Variants in TCF12 observed in about 807,000 individuals in gnomAD.
TCF12 encodes transcription factor 12.
A neutral mutation model predicts 86.0 loss-of-function variants in TCF12; 45 were observed. That is an observed-to-expected ratio of 0.52 (90% confidence interval 0.41 to 0.67). The LOEUF is 0.67. Among genes scored for constraint, TCF12 ranks in the 30% least tolerant of loss-of-function variants. TCF12 has a pLI of 0.00. For missense variants in TCF12, 881 were observed against 859.9 expected, an observed-to-expected ratio of 1.02 and a Z score of -0.31; for synonymous variants, 330 against 299.6, an observed-to-expected ratio of 1.10 and a Z score of -1.05.
chr15:57,071,284 C>T (rs2069358598), intron 4 of TCF12, among the ~76,000 whole-genome samples: 1 of 151,068 alleles, frequency 6.6e-6, no homozygotes, highest in African/African-American at 2.4e-5. Context: ...TGGTGGTGCG[C>T]ACCTGTGGTC....
intron 8 of TCF12, among the ~76,000 whole-genome samples, chr15:57,200,407 A>G (rs1349279524): frequency 6.6e-6 from 1 of 152,172 alleles, no homozygotes; most frequent in South Asian, 2.1e-4. Context: ...TATGCAAACT[A>G]TAAACTTTTG....
intron 13 of TCF12, among the ~76,000 whole-genome samples, chr15:57,248,697 A>G (rs144869385): frequency 1.4e-4 from 21 of 152,368 alleles, no homozygotes; most frequent in African/African-American, 5.0e-4. Flanking sequence ...AGTGCGTTAC[A>G]CTGGAACGGG....
rs768236745 is a variant in TCF12 at position 57,166,489 on chromosome 15, G to A, written c.390+23G>A. On this transcript the variant is annotated intron_variant, in intron 6 of 20. Transcript: ENST00000333725. ...CAAGTAAGTTTAATGATTAAAAAAA[G>A]CAATGAGATGGTTTTTAAACACATA... 1.3e-5 allele frequency: 20 copies of A among 1,598,610 alleles called. No homozygotes were observed. In the African/African-American group the frequency reaches 1.5e-4, roughly 12 times the overall value.
chr15:56,937,309 A>G (rs116930072), intron 3 of TCF12, among the ~76,000 whole-genome samples: 3,468 of 151,016 alleles, frequency 0.023, 59 homozygotes, highest in Non-Finnish European at 0.036. Context: ...ACTGATTTGT[A>G]TACGTTAATT....
intron 3 of TCF12, among the ~76,000 whole-genome samples, chr15:56,938,633 G>A (rs1307757915): frequency 7.0e-6 from 1 of 143,756 alleles, no homozygotes; most frequent in Non-Finnish European, 1.5e-5. Context: ...AATCTGTCTG[G>A]TCCGAGACTT....
At chr15:57,283,194 A>G (rs2061774835) in intron 20 of TCF12, among the ~76,000 whole-genome samples, 1 of 151,926 alleles carries the variant, frequency 6.6e-6, no homozygotes, top group Non-Finnish European at 1.5e-5. Flanking sequence ...GTGGAATTTT[A>G]CTTGTTCAAA....
At chr15:56,924,293 C>G (rs2059912981) in intron 3 of TCF12, among the ~76,000 whole-genome samples, 2 of 152,146 alleles carry the variant, frequency 1.3e-5, no homozygotes, top group Non-Finnish European at 2.9e-5. Flanking sequence ...TCTGTCACCA[C>G]AGGAATTCTT....
At chr15:57,141,638 T>C (rs966321174) in intron 5 of TCF12, among the ~76,000 whole-genome samples, 2 of 152,234 alleles carry the variant, frequency 1.3e-5, no homozygotes, top group Admixed American at 1.3e-4. Context: ...CGTGAGCCAC[T>C]GCGCCCAGAC....
At chr15:57,031,951 A>C (rs1403373929) in intron 3 of TCF12, among the ~76,000 whole-genome samples, 8 of 152,180 alleles carry the variant, frequency 5.3e-5, no homozygotes, top group Non-Finnish European at 4.4e-5. Flanking sequence ...GCTCTGTTTG[A>C]TGGAACTGTA....
At chr15:57,252,389 C>T (rs370847427) in intron 14 of TCF12, 32 bp from the exon 15 acceptor site, 3 of 1,586,394 alleles carry the variant, frequency 1.9e-6, no homozygotes, top group African/African-American at 2.7e-5. Context: ...TTAACCTGTG[C>T]TTTGCCTCCT....
chr15:57,269,532 A>C (rs1284764789), intron 18 of TCF12, among the ~76,000 whole-genome samples: 2 of 151,924 alleles, frequency 1.3e-5, no homozygotes, highest in African/African-American at 4.8e-5. Flanking sequence ...TCTGTCTTTT[A>C]ATTGGGGCAC....
intron 3 of TCF12, among the ~76,000 whole-genome samples, chr15:57,044,337 G>A (rs1429844419): frequency 1.3e-5 from 2 of 152,042 alleles, no homozygotes; most frequent in African/African-American, 2.4e-5. Context: ...CGAGACAGGC[G>A]GATCACTTGA....
chr15:57,222,676 A>C (rs12906566), intron 8 of TCF12, among the ~76,000 whole-genome samples: 59,089 of 150,546 alleles, frequency 0.39, 14,462 homozygotes, highest in Non-Finnish European at 0.54. Flanking sequence ...AATTTGAGTA[A>C]ATTTTGTCCT....
intron 8 of TCF12, among the ~76,000 whole-genome samples, chr15:57,207,691 A>G (rs1298608068): frequency 1.3e-5 from 2 of 152,152 alleles, no homozygotes; most frequent in Admixed American, 6.5e-5. Flanking sequence ...AAACAACAAC[A>G]AAAATAATAA....
chr15:56,972,129 T>C (rs2062367736), intron 3 of TCF12, among the ~76,000 whole-genome samples: 1 of 152,242 alleles, frequency 6.6e-6, no homozygotes, highest in Non-Finnish European at 1.5e-5. Context: ...TGCTTAGTGA[T>C]TTATGGCTCA....
At chr15:57,139,531 A>G (rs951929526) in intron 5 of TCF12, among the ~76,000 whole-genome samples, 18 of 152,262 alleles carry the variant, frequency 1.2e-4, no homozygotes, top group African/African-American at 3.8e-4. Flanking sequence ...GGAAAAATTA[A>G]TAGTATCACT....
intron 3 of TCF12, among the ~76,000 whole-genome samples, chr15:56,967,205 A>G (rs2062047201): frequency 6.6e-6 from 1 of 152,128 alleles, no homozygotes; most frequent in Non-Finnish European, 1.5e-5. Context: ...AGAAATATTT[A>G]AATGAACTGG....
chr15:57,043,689 G>A (rs1189494458), intron 3 of TCF12, among the ~76,000 whole-genome samples: 1 of 152,194 alleles, frequency 6.6e-6, no homozygotes, highest in Non-Finnish European at 1.5e-5. Context: ...AAAAGATACT[G>A]AATTTCTGGA....
Position 57,192,968 on chromosome 15 carries a change from A to G in TCF12, c.526+675A>G, listed in dbSNP as rs117743109. Among the ~76,000 whole-genome samples, 1,229 of 152,280 alleles carry G rather than the reference A, an allele frequency of 8.1e-3. 11 individuals carry two copies. Among genetic ancestry groups the G allele is most frequent in the Non-Finnish European group, 0.014 (935 of 68,026 alleles). ...GAGCAACTAAGTAGTGAAAAATGAG[A>G]CTTAACTAGTTTTCCTTCTTGTAAT... On this transcript the variant is annotated intron_variant, in intron 7 of 20. Coordinates refer to ENST00000333725, the MANE Select transcript of TCF12 (RefSeq NM_207037.2).
Sources: allele counts gnomAD v4.1 joint callset (sites outside exome capture counted in the v4.1 genomes callset), GRCh38; gene constraint gnomAD v4.1.1; transcripts MANE v1.5; gene names NCBI Gene and HGNC (gene_info 2026-07-23, HGNC 2026-07-21).